The following SLC6A4 variants were observed in gnomAD, a reference collection of about 807,000 sequenced individuals.
SLC6A4 encodes solute carrier family 6 member 4.
SLC6A4 carries 22 observed loss-of-function variants against 73.4 expected under a neutral mutation model. The observed-to-expected ratio is 0.30, with a 90% CI of 0.21 to 0.43. The LOEUF (loss-of-function observed/expected upper bound fraction) is 0.43. Among genes scored for constraint, SLC6A4 ranks in the 20% least tolerant of loss-of-function variants. The pLI is 1.00. For synonymous variants in SLC6A4, 270 were observed against 315.5 expected, an observed-to-expected ratio of 0.86 and a Z score of 1.53; for missense variants, 593 against 808.5, an observed-to-expected ratio of 0.73 and a Z score of 3.23.
chr17:30,228,343 G>C (rs1292427932), intron 1 of SLC6A4, among the ~76,000 whole-genome samples: 1 of 152,206 alleles, frequency 6.6e-6, no homozygotes. Context: ...GTCTAGCACA[G>C]GGAAGCATCA....
intron 3 of SLC6A4, 62 bp downstream of exon 3, chr17:30,221,554 G>A (rs1942584064): frequency 6.8e-7 from 1 of 1,469,742 alleles, no homozygotes. Flanking sequence ...CCGGGTCACA[G>A]CCCACTCCGG....
At position 30,195,782 on chromosome 17, in the gene SLC6A4, C is replaced by G. The variant is rs970579991; in HGVS notation, c.*2674G>C. ...GAAAATAGAAAAAGAAGACTTAAAG[C>G]TTCAGAATAGTCTTTCCATGGAACT... On this transcript the variant is annotated 3_prime_UTR_variant, in exon 15 of 15. Coordinates refer to ENST00000650711, the MANE Select transcript of SLC6A4 (RefSeq NM_001045.6). The G allele has an allele frequency of 2.0e-5, 3 of 150,920 alleles. No individual in the cohort carries two copies. The highest frequency in any genetic ancestry group is 4.4e-5 in the Non-Finnish European group (3 of 67,860). 9.3% of individuals were successfully genotyped at this position (150,920 alleles called of 1,614,324 possible). A position where few individuals can be genotyped will look rare whatever the true frequency, so the allele number is the denominator to read the frequency against.
chr17:30,204,156 T>A (rs1458427949), intron 13 of SLC6A4, among the ~76,000 whole-genome samples: 4 of 152,278 alleles, frequency 2.6e-5, no homozygotes, highest in Non-Finnish European at 5.9e-5. Context: ...GTTTTCTTAT[T>A]TCAATTTGGT....
chr17:30,201,023 C>T (rs1289673981), intron 14 of SLC6A4, among the ~76,000 whole-genome samples: 2 of 152,170 alleles, frequency 1.3e-5, no homozygotes, highest in African/African-American at 4.8e-5. Context: ...CCTCAGGTGA[C>T]CCATCCACCT....
intron 11 of SLC6A4, among the ~76,000 whole-genome samples, chr17:30,209,454 C>T (rs1172036640): frequency 1.3e-5 from 2 of 151,918 alleles, no homozygotes; most frequent in African/African-American, 4.8e-5. Flanking sequence ...GGCGTATCAC[C>T]TGAGGTCAGG....
In SLC6A4 at chr17:30,194,321, C is replaced by T. The variant is rs1905785705; in HGVS notation, c.*4135G>A. The T allele has an allele frequency of 6.6e-6, 1 of 151,746 alleles. No individual in the cohort carries two copies. The highest frequency in any genetic ancestry group is 1.5e-5 in the Non-Finnish European group (1 of 67,942). The allele number at this position is 151,746 out of a possible 1,614,324, so 9.4% of individuals were successfully genotyped here. ...ATTAAGAGTTATTACAGTAACAGTT[C>T]ACAGCATAAATCATTTATTAATATC... On this transcript the variant is annotated 3_prime_UTR_variant, in exon 15 of 15. Coordinates refer to ENST00000650711, the MANE Select transcript of SLC6A4 (RefSeq NM_001045.6).
intron 13 of SLC6A4, chr17:30,206,253 A>C (rs1306448772): frequency 6.6e-6 from 1 of 152,158 alleles, no homozygotes; most frequent in African/African-American, 2.4e-5. Flanking sequence ...AAAAAAAAAA[A>C]AAAAACACAA....
Position 30,217,307 on chromosome 17 carries a change from G to A in SLC6A4, c.699-3C>T. 5 of 1,612,820 alleles carry A rather than the reference G, an allele frequency of 3.1e-6. No homozygotes were observed. The highest frequency in any genetic ancestry group is 1.1e-5 in the South Asian group (1 of 90,902). On this transcript the variant is annotated splice_region_variant and splice_polypyrimidine_tract_variant and intron_variant, in intron 5 of 14. Transcript: ENST00000650711. ...GGTGGATCTGCAGGACGTGGCGCCTGGGGTGAAGGAGAAAGAAAGGCCCCT... is the reference window on the plus strand; with the variant it reads ...GGTGGATCTGCAGGACGTGGCGCCTAGGGTGAAGGAGAAAGAAAGGCCCCT...
At chr17:30,232,649 A>C (rs1157313935) in intron 1 of SLC6A4, among the ~76,000 whole-genome samples, 1 of 152,200 alleles carries the variant, frequency 6.6e-6, no homozygotes, top group Non-Finnish European at 1.5e-5. Flanking sequence ...GAAAGATGGA[A>C]ATAATAATAA....
chr17:30,207,927 A>G, intron 12 of SLC6A4, 95 bp from the exon 13 acceptor site: 1 of 863,828 alleles, frequency 1.2e-6, no homozygotes, highest in Non-Finnish European at 1.9e-6. Context: ...GAGTCACAGG[A>G]TCAGCACTGG....
chr17:30,223,117 A>T (rs1006873203), intron 1 of SLC6A4, among the ~76,000 whole-genome samples: 1 of 152,166 alleles, frequency 6.6e-6, no homozygotes, highest in Non-Finnish European at 1.5e-5. Flanking sequence ...TTGGACTTTA[A>T]ACCTATGGCC....
chr17:30,228,407 G>C (rs16965628), intron 1 of SLC6A4, among the ~76,000 whole-genome samples: 20,593 of 152,166 alleles, frequency 0.14, 2,507 homozygotes, highest in African/African-American at 0.32. Context: ...GCAACCCATT[G>C]TGCCTTTCTA....
chr17:30,221,571 GC>G, intron 3 of SLC6A4, 44 bp downstream of exon 3: 2 of 1,554,252 alleles, frequency 1.3e-6, no homozygotes, highest in Non-Finnish European at 1.8e-6. Context: ...CCGGGTCACA[GC>G]CCACCCTGGG....
intron 1 of SLC6A4, among the ~76,000 whole-genome samples, chr17:30,223,442 C>T (rs1163834754): frequency 6.6e-6 from 1 of 152,046 alleles, no homozygotes; most frequent in African/African-American, 2.4e-5. Flanking sequence ...CATGTGAAGA[C>T]AAAAACATAG....
intron 1 of SLC6A4, among the ~76,000 whole-genome samples, chr17:30,229,993 T>G (rs1196922646): frequency 1.3e-5 from 2 of 148,420 alleles, no homozygotes; most frequent in East Asian, 4.0e-4. Flanking sequence ...CACTCCAGCC[T>G]GGACAACAGG....
intron 1 of SLC6A4, among the ~76,000 whole-genome samples, chr17:30,227,678 G>T (rs1567823469): frequency 6.6e-6 from 1 of 152,022 alleles, no homozygotes; most frequent in Non-Finnish European, 1.5e-5. Flanking sequence ...TCAGAGATGG[G>T]GTTTCACCAT....
Position 30,218,778 on chromosome 17 carries a change from C to T in SLC6A4, c.478+19G>A, listed in dbSNP as rs896437395. The T allele has an allele frequency of 1.2e-6, 2 of 1,613,688 alleles. No individual in the cohort carries two copies. Among genetic ancestry groups the T allele is most frequent in the Admixed American group, 1.7e-5 (1 of 60,014 alleles). ...CCTGAGAGGCTCCACTTACCCACCC[C>T]ACCGAGCCCTTCAGTTACCTTTGAA... On this transcript the variant is annotated intron_variant, in intron 4 of 14. Coordinates refer to ENST00000650711, the MANE Select transcript of SLC6A4 (RefSeq NM_001045.6).
intron 8 of SLC6A4, among the ~76,000 whole-genome samples, chr17:30,215,361 C>T (rs1285215220): frequency 6.6e-6 from 1 of 152,206 alleles, no homozygotes; most frequent in Non-Finnish European, 1.5e-5. Flanking sequence ...TTTTTATATA[C>T]AGGAGCGCTG....
At chr17:30,204,049 G>A (rs1597633085) in intron 13 of SLC6A4, among the ~76,000 whole-genome samples, 1 of 152,312 alleles carries the variant, frequency 6.6e-6, no homozygotes, top group East Asian at 1.9e-4. Flanking sequence ...AATTATGGAA[G>A]GAAAAATAGC....
Sources: allele counts gnomAD v4.1 joint callset (sites outside exome capture counted in the v4.1 genomes callset), GRCh38; gene constraint gnomAD v4.1.1; transcripts MANE v1.5; gene names NCBI Gene and HGNC (gene_info 2026-07-23, HGNC 2026-07-21).